Variants in EP400 observed in about 807,000 individuals in gnomAD.
The protein encoded by EP400 is E1A-binding protein p400.
EP400 carries 105 observed loss-of-function variants against 354.1 expected under a neutral mutation model. That is an observed-to-expected ratio of 0.30 (90% CI 0.25 to 0.35). EP400 has a LOEUF of 0.35. Ranked by LOEUF, EP400 falls within the 10% of genes least tolerant of loss-of-function variation. The pLI, the probability that EP400 is intolerant of heterozygous loss-of-function variation, is 1.00. For missense variants in EP400, 3,280 were observed against 4,121.0 expected, an observed-to-expected ratio of 0.80 and a Z score of 5.59; for synonymous variants, 1,646 against 1,716.9, an observed-to-expected ratio of 0.96 and a Z score of 1.02.
intron 32 of EP400, among the ~76,000 whole-genome samples, chr12:132,040,273 G>A (rs1483936757): frequency 1.3e-5 from 2 of 152,022 alleles, no homozygotes; most frequent in South Asian, 2.1e-4. Context: ...CCCTGGGAAC[G>A]TCGTTGGCAC....
chr12:131,990,764 G>A lies in EP400; in HGVS notation c.2629+50G>A, dbSNP rs377028580. On this transcript the variant is annotated intron_variant, in intron 9 of 52. Transcript: ENST00000389561. The surrounding 1 kb of genome is among the most constrained non-coding windows in gnomAD (Gnocchi z 4.2). Reference sequence around the variant, plus strand: ...ACCACGCTTGGGTGGTATTTTGTTCGGATTCTTTTCTCAGCAGGCAGTCTC... The same window carrying A: ...ACCACGCTTGGGTGGTATTTTGTTCAGATTCTTTTCTCAGCAGGCAGTCTC... 3.0e-4 allele frequency: 426 copies of A among 1,412,690 alleles called. 1 individual carries two copies. The highest frequency in any genetic ancestry group is 3.8e-4 in the Non-Finnish European group (384 of 1,014,128). 87.5% of individuals were successfully genotyped at this position (1,412,690 alleles called of 1,614,324 possible). A position where few individuals can be genotyped will look rare whatever the true frequency, so the allele number is the denominator to read the frequency against.
At chr12:132,048,379 C>T (rs1593372853) in intron 39 of EP400, among the ~76,000 whole-genome samples, 1 of 152,326 alleles carries the variant, frequency 6.6e-6, no homozygotes, top group East Asian at 1.9e-4. Flanking sequence ...TATTCACAAT[C>T]CACGTTCTTC....
intron 52 of EP400, 146 bp from the exon 53 acceptor site, chr12:132,077,255 C>A: frequency 2.9e-6 from 3 of 1,033,432 alleles, no homozygotes; most frequent in Non-Finnish European, 2.8e-6. Flanking sequence ...AGAGGTCATA[C>A]TGTTGTGTGA....
At chr12:131,993,092 C>A (rs755217242) in intron 11 of EP400, among the ~76,000 whole-genome samples, 14 of 152,202 alleles carry the variant, frequency 9.2e-5, no homozygotes, top group Non-Finnish European at 1.6e-4. Context: ...CCAGGACTGG[C>A]ACAGCATTGT....
Position 132,018,410 on chromosome 12 carries a change from G to T in EP400, c.4277+34G>T. The T allele has an allele frequency of 6.4e-7, 1 of 1,567,438 alleles. No homozygotes were observed. The highest frequency in any genetic ancestry group is 8.6e-7 in the Non-Finnish European group (1 of 1,162,176). ...GACCCAGAGGCAGCGGGGAGGGTTG[G>T]CTCCCAGGGCCCCCACAGCTGACCC... On this transcript the variant is annotated intron_variant, in intron 21 of 52. Coordinates refer to ENST00000389561, the MANE Select transcript of EP400 (RefSeq NM_015409.5). This position sits in a 1 kb window ranked among gnomAD's most constrained non-coding sequence, Gnocchi z 4.0.
In EP400 at chr12:131,975,554, AT is replaced by A. The variant is rs71784084; in HGVS notation, c.1336-4131del. ...TTTTTTCAGGCTCACTGATTTTTAA[AT>A]TTTTTTTTCTTTTTCTTTTTTTGAG... is the stretch of plus-strand genomic sequence containing the variant. On this transcript the variant is annotated intron_variant, in intron 2 of 52. Coordinates refer to ENST00000389561, the MANE Select transcript of EP400 (RefSeq NM_015409.5). 6.4e-3 allele frequency among the ~76,000 whole-genome samples: 969 copies of A among 150,548 alleles called. 9 individuals carry two copies. Among genetic ancestry groups the A allele is most frequent in the Non-Finnish European group, 0.011 (758 of 67,460 alleles).
intron 33 of EP400, 67 bp downstream of exon 33, chr12:132,043,529 G>T: frequency 2.5e-6 from 4 of 1,585,530 alleles, no homozygotes; most frequent in Non-Finnish European, 3.4e-6. Context: ...AATATTTATT[G>T]TTTACTGCAA....
intron 30 of EP400, 87 bp downstream of exon 30, chr12:132,032,236 G>C: frequency 2.1e-6 from 3 of 1,426,946 alleles, no homozygotes; most frequent in Non-Finnish European, 2.8e-6. Context: ...GCGTGGAAAT[G>C]GAGTCAATGA....
chr12:132,076,554 C>A lies in EP400; in HGVS notation c.9060C>A (p.Pro3020=). The change falls in exon 52 of 53, where the codon CCC becomes CCA. Residue 3020 remains proline (P), a synonymous_variant. Coordinates refer to ENST00000389561, the MANE Select transcript of EP400 (RefSeq NM_015409.5). ...KLPQVVQQQT[P]VASIQQVASA... is the part of the protein sequence containing the mutation. ...CTCAAGTTGTTCAACAGCAAACACCCGTGGCCAGCATCCAGCAAGTTGCCT... is the reference window on the plus strand; with the variant it reads ...CTCAAGTTGTTCAACAGCAAACACCAGTGGCCAGCATCCAGCAAGTTGCCT... 6.2e-7 allele frequency: 1 copy of A among 1,613,750 alleles called. No homozygotes were observed. The highest frequency in any genetic ancestry group is 1.1e-5 in the South Asian group (1 of 91,072).
At chr12:131,987,584 C>G (rs1228134259) in intron 6 of EP400, 121 bp from the exon 7 acceptor site, 2 of 786,570 alleles carry the variant, frequency 2.5e-6, no homozygotes, top group Non-Finnish European at 3.8e-6. Context: ...CTTGTGCTTT[C>G]TCTCTTTCTT....
intron 19 of EP400, among the ~76,000 whole-genome samples, chr12:132,014,867 G>A (rs539866104): frequency 6.6e-6 from 1 of 152,346 alleles, no homozygotes; most frequent in South Asian, 2.1e-4. Context: ...CCGTGGCACA[G>A]CAGACTGTGG....
intron 22 of EP400, 144 bp downstream of exon 22, chr12:132,020,362 T>C: frequency 1.1e-6 from 1 of 927,370 alleles, no homozygotes; most frequent in Non-Finnish European, 1.6e-6. Flanking sequence ...GAAGGTGCCT[T>C]GTTTAGTTCT....
intron 30 of EP400, among the ~76,000 whole-genome samples, chr12:132,032,884 C>A (rs900534892): frequency 2.0e-5 from 3 of 152,146 alleles, no homozygotes; most frequent in African/African-American, 7.2e-5. Context: ...CCGCCGTGGC[C>A]TCCCAAAGTG....
chr12:132,011,464 T>C, intron 15 of EP400, 34 bp from the exon 16 acceptor site: 1 of 1,611,472 alleles, frequency 6.2e-7, no homozygotes, highest in Non-Finnish European at 8.5e-7. Flanking sequence ...TGACAGATAC[T>C]TTGACGTGGA....
chr12:132,071,961 G>A (rs1485494728), intron 51 of EP400, among the ~76,000 whole-genome samples: 2 of 152,354 alleles, frequency 1.3e-5, no homozygotes, highest in African/African-American at 4.8e-5. Context: ...CTGTTGTAGT[G>A]GGTTATAGTC....
rs1178964798 is a variant in EP400, at chr12:131,994,794, T to TTA, written c.2738-70_2738-69dup. The TTA allele has an allele frequency of 7.6e-7, 1 of 1,318,566 alleles. No individual in the cohort carries two copies. Among genetic ancestry groups the TTA allele is most frequent in the Non-Finnish European group, 1.1e-6 (1 of 924,838 alleles). The allele number at this position is 1,318,566 out of a possible 1,614,324, so 81.7% of individuals were successfully genotyped here. A position where few individuals can be genotyped will look rare whatever the true frequency, so the allele number is the denominator to read the frequency against. The stretch of plus-strand genomic sequence containing the variant: ...AGCTATGCAAAATAATTTCGAAGCC[T>TTA]TATAGTGTGTAATGAGTAACAGACA... On this transcript the variant is annotated intron_variant, in intron 11 of 52. Transcript: ENST00000389561. This position sits in a 1 kb window ranked among gnomAD's most constrained non-coding sequence, Gnocchi z 4.6.
chr12:132,007,968 A>G (rs1893641055), intron 15 of EP400, among the ~76,000 whole-genome samples: 1 of 149,234 alleles, frequency 6.7e-6, no homozygotes, highest in African/African-American at 2.5e-5. Flanking sequence ...TTTTTTTGAG[A>G]TGGAGTTTCA....
intron 51 of EP400, chr12:132,076,083 C>A (rs1896227699): frequency 4.5e-6 from 1 of 221,332 alleles, no homozygotes; most frequent in Admixed American, 5.0e-5. Context: ...CTTGGTGCGT[C>A]ACCGGGTTCC....
intron 12 of EP400, among the ~76,000 whole-genome samples, chr12:132,001,340 G>A (rs1424217152): frequency 2.6e-5 from 4 of 152,230 alleles, no homozygotes; most frequent in African/African-American, 7.2e-5. Flanking sequence ...CTGCCTGGCA[G>A]CCGAGGCAGA....
Sources: gnomAD v4.1 joint callset for allele counts (sites outside exome capture counted in the v4.1 genomes callset) on GRCh38, gnomAD v4.1.1 for gene constraint, Gnocchi (gnomAD v3.1) non-coding constraint, MANE v1.5 for transcripts, NCBI Gene and HGNC (gene_info 2026-07-23, HGNC 2026-07-21) for gene names.